Variants in LDAH observed in about 807,000 individuals in gnomAD.
The protein encoded by LDAH is lipid droplet-associated hydrolase.
A neutral mutation model predicts 29.6 loss-of-function variants in LDAH; 26 were observed. That is an observed-to-expected ratio of 0.88 (90% CI 0.64 to 1.22). The LOEUF (loss-of-function observed/expected upper bound fraction) is 1.22. Among genes scored for constraint, LDAH ranks in the 50% most tolerant of loss-of-function variants. The pLI, the probability that LDAH is intolerant of heterozygous loss-of-function variation, is 0.00. For missense variants in LDAH, 344 were observed against 387.3 expected, an observed-to-expected ratio of 0.89 and a Z score of 0.94; for synonymous variants, 117 against 133.0, an observed-to-expected ratio of 0.88 and a Z score of 0.83.
At chr2:20,777,125 C>T (rs1365094175) in intron 3 of LDAH, among the ~76,000 whole-genome samples, 1 of 152,180 alleles carries the variant, frequency 6.6e-6, no homozygotes, top group Non-Finnish European at 1.5e-5. Flanking sequence ...AAGTCCTCCT[C>T]CAAATATATA....
intron 2 of LDAH, 126 bp downstream of exon 2, chr2:20,801,183 CA>C: frequency 1.1e-6 from 1 of 951,920 alleles, no homozygotes; most frequent in Non-Finnish European, 1.6e-6. Context: ...TGGTTGTTAA[CA>C]ATGGGTCAAG....
intron 4 of LDAH, among the ~76,000 whole-genome samples, chr2:20,742,310 C>A (rs563535655): frequency 6.6e-6 from 1 of 152,274 alleles, no homozygotes; most frequent in South Asian, 2.1e-4. Flanking sequence ...TCAATTATAT[C>A]AAGTTGATTG....
At position 20,711,438 on chromosome 2, in the gene LDAH, AAC is replaced by A. The variant is rs775181119; in HGVS notation, c.704-9788_704-9787del. On this transcript the variant is annotated intron_variant, in intron 5 of 6. Coordinates refer to ENST00000237822, the MANE Select transcript of LDAH (RefSeq NM_021925.4). ...GTCCGTTCCAAGATGGCCGAATAGG[AAC>A]AGCTCCGGTCTGCAGCTTCCAGCAT... is the stretch of plus-strand genomic sequence containing the variant. Among the ~76,000 whole-genome samples the A allele has an allele frequency of 1.1e-3, 162 of 151,620 alleles. 1 individual carries two copies. Among genetic ancestry groups the A allele is most frequent in the Middle Eastern group, 3.5e-3 (1 of 286 alleles).
chr2:20,753,206 A>G (rs1668086095), intron 4 of LDAH, among the ~76,000 whole-genome samples: 1 of 152,248 alleles, frequency 6.6e-6, no homozygotes, highest in Non-Finnish European at 1.5e-5. Context: ...GTATAAATTA[A>G]TAAAAGCTCC....
chr2:20,744,061 G>A (rs1667400460), intron 4 of LDAH, among the ~76,000 whole-genome samples: 1 of 151,212 alleles, frequency 6.6e-6, no homozygotes. Context: ...TTTTTCCTTA[G>A]GATTTCCATC....
intron 3 of LDAH, among the ~76,000 whole-genome samples, chr2:20,779,651 T>C (rs887450887): frequency 2.0e-5 from 3 of 151,998 alleles, no homozygotes; most frequent in Admixed American, 1.3e-4. Flanking sequence ...AAACAAACCT[T>C]TTTCTGTATT....
At chr2:20,712,824 G>A (rs1664871385) in intron 5 of LDAH, among the ~76,000 whole-genome samples, 1 of 151,812 alleles carries the variant, frequency 6.6e-6, no homozygotes, top group Admixed American at 6.6e-5. Flanking sequence ...AAAGTGAGAA[G>A]AGAAGTTTAG....
At chr2:20,811,001 A>T (rs1672444788) in intron 1 of LDAH, among the ~76,000 whole-genome samples, 1 of 151,944 alleles carries the variant, frequency 6.6e-6, no homozygotes, top group Non-Finnish European at 1.5e-5. Context: ...CCCTGGTGCC[A>T]AAAAGGTATT....
intron 3 of LDAH, among the ~76,000 whole-genome samples, chr2:20,783,918 G>T (rs1670375363): frequency 6.6e-6 from 1 of 152,042 alleles, no homozygotes; most frequent in Non-Finnish European, 1.5e-5. Context: ...TCACCATGTT[G>T]CCCAGGCTGG....
intron 2 of LDAH, among the ~76,000 whole-genome samples, chr2:20,793,453 T>C (rs1226709928): frequency 6.6e-6 from 1 of 152,172 alleles, no homozygotes; most frequent in East Asian, 1.9e-4. Context: ...GAAATAAAGA[T>C]CTTAGCTCTT....
intron 5 of LDAH, among the ~76,000 whole-genome samples, chr2:20,725,403 G>A (rs763395658): frequency 6.6e-6 from 1 of 152,156 alleles, no homozygotes; most frequent in Admixed American, 6.6e-5. Flanking sequence ...AGAAATAAAC[G>A]GTAGACCTCA....
chr2:20,720,455 T>A (rs1174702473), intron 5 of LDAH, among the ~76,000 whole-genome samples: 1 of 151,994 alleles, frequency 6.6e-6, no homozygotes, highest in Non-Finnish European at 1.5e-5. Context: ...AAAACACTGA[T>A]GAAAGAAATG....
intron 4 of LDAH, among the ~76,000 whole-genome samples, chr2:20,743,320 T>A (rs536555902): frequency 7.0e-6 from 1 of 143,234 alleles, no homozygotes; most frequent in Non-Finnish European, 1.5e-5. Flanking sequence ...ACTTTTTTTT[T>A]TTTTTTTATT....
chr2:20,715,983 T>C (rs1572461666), intron 5 of LDAH, among the ~76,000 whole-genome samples: 1 of 152,124 alleles, frequency 6.6e-6, no homozygotes, highest in East Asian at 1.9e-4. Flanking sequence ...AAAATGCTCA[T>C]CATCACTGGT....
downstream of LDAH, among the ~76,000 whole-genome samples, chr2:20,683,633 C>T (rs866010782): frequency 6.6e-6 from 1 of 152,144 alleles, no homozygotes; most frequent in Non-Finnish European, 1.5e-5. Context: ...GTTATCCCTG[C>T]GTAAGAGCCA....
At chr2:20,721,548 A>AAAAC (rs2149399111) in intron 5 of LDAH, among the ~76,000 whole-genome samples, 1 of 152,276 alleles carries the variant, frequency 6.6e-6, no homozygotes, top group East Asian at 1.9e-4. Context: ...TAAAACATTA[A>AAAAC]AAACAAACCA....
At chr2:20,691,533 CTG>C (rs2149331881) in intron 6 of LDAH, among the ~76,000 whole-genome samples, 1 of 152,236 alleles carries the variant, frequency 6.6e-6, no homozygotes, top group Admixed American at 6.5e-5. Flanking sequence ...TTCTGAGGCA[CTG>C]TGTGTCATGG....
At chr2:20,753,312 T>C (rs952800290) in intron 4 of LDAH, among the ~76,000 whole-genome samples, 1 of 152,242 alleles carries the variant, frequency 6.6e-6, no homozygotes, top group African/African-American at 2.4e-5. Context: ...AATCCAAACT[T>C]GTACTAGGTT....
rs538261024 is a variant in LDAH at position 20,766,194 on chromosome 2, AT to A, written c.468+8615del. Among the ~76,000 whole-genome samples, 232 of 152,188 alleles carry A rather than the reference AT, an allele frequency of 1.5e-3. 2 individuals are homozygous for A. Among genetic ancestry groups the A allele is most frequent in the African/African-American group, 5.3e-3 (218 of 41,514 alleles). The stretch of plus-strand genomic sequence containing the variant: ...ATAATACATGCCTTTACTGCAATAT[AT>A]TTTTATTCTATTCTATTTTACTTGA... On this transcript the variant is annotated intron_variant, in intron 4 of 6. Coordinates refer to ENST00000237822, the MANE Select transcript of LDAH (RefSeq NM_021925.4).
Sources: allele counts gnomAD v4.1 joint callset (sites outside exome capture counted in the v4.1 genomes callset), GRCh38; gene constraint gnomAD v4.1.1; transcripts MANE v1.5; gene names NCBI Gene and HGNC (gene_info 2026-07-23, HGNC 2026-07-21).